The following CARM1 variants were observed in gnomAD, a reference collection of about 807,000 sequenced individuals.
CARM1 encodes coactivator associated arginine methyltransferase 1.
A neutral mutation model predicts 72.7 loss-of-function variants in CARM1; 14 were observed. The ratio of observed to expected loss-of-function variants is 0.19; its 90% CI spans 0.13 to 0.30. The LOEUF (loss-of-function observed/expected upper bound fraction) is 0.30, where lower values mean the gene tolerates loss of function less well. Among genes scored for constraint, CARM1 ranks in the 10% least tolerant of loss-of-function variants. The pLI, the probability that CARM1 is intolerant of heterozygous loss-of-function variation, is 1.00. For synonymous variants in CARM1, 333 were observed against 345.5 expected, an observed-to-expected ratio of 0.96 and a Z score of 0.40; for missense variants, 432 against 833.7, an observed-to-expected ratio of 0.52 and a Z score of 5.93.
At chr19:10,881,507 C>T (rs935855397) in intron 1 of CARM1, among the ~76,000 whole-genome samples, 1 of 152,042 alleles carries the variant, frequency 6.6e-6, no homozygotes, top group African/African-American at 2.4e-5. Flanking sequence ...AAGGAGAGGG[C>T]AGCAAGGTCA....
intron 4 of CARM1, among the ~76,000 whole-genome samples, 198 bp from the exon 5 acceptor site, chr19:10,911,986 C>T (rs1446087609): frequency 6.6e-6 from 1 of 152,212 alleles, no homozygotes; most frequent in Non-Finnish European, 1.5e-5. Flanking sequence ...GCGGGAGCTT[C>T]CCCAGGGCTT....
intron 1 of CARM1, among the ~76,000 whole-genome samples, chr19:10,891,131 C>T (rs1011473438): frequency 6.7e-5 from 10 of 148,174 alleles, no homozygotes; most frequent in Admixed American, 2.7e-4. Context: ...CTCCTTCTCT[C>T]GACCCTTTGC....
chr19:10,882,630 C>T (rs2073910643), intron 1 of CARM1, among the ~76,000 whole-genome samples: 1 of 151,420 alleles, frequency 6.6e-6, no homozygotes, highest in African/African-American at 2.4e-5. Context: ...CAACCTCCGC[C>T]TCCCAGGTTC....
rs928795513 is a variant in CARM1, at chr19:10,912,744, G to A, written c.669+450G>A. Among the ~76,000 whole-genome samples the A allele has an allele frequency of 2.0e-5, 3 of 152,056 alleles. No homozygotes were observed. The highest frequency in any genetic ancestry group is 2.0e-4 in the Admixed American group (3 of 15,260). Reference sequence around the variant, plus strand: ...CCTGCTCTGCCTCTCCCATGGATCTGGGGTCGCCGGGGTCGTGGAGGGGCC... The same window carrying A: ...CCTGCTCTGCCTCTCCCATGGATCTAGGGTCGCCGGGGTCGTGGAGGGGCC... On this transcript the variant is annotated intron_variant, in intron 5 of 15. Coordinates refer to ENST00000327064, the MANE Select transcript of CARM1 (RefSeq NM_199141.2). The surrounding 1 kb of genome is among the most constrained non-coding windows in gnomAD (Gnocchi z 4.5).
chr19:10,878,946 A>G (rs2073882210), intron 1 of CARM1, among the ~76,000 whole-genome samples: 1 of 152,052 alleles, frequency 6.6e-6, no homozygotes, highest in Non-Finnish European at 1.5e-5. Flanking sequence ...ATCTGGGACT[A>G]CAGGCGTGTG....
chr19:10,912,338 G>A lies in CARM1; in HGVS notation c.669+44G>A. The A allele has an allele frequency of 1.4e-6, 2 of 1,435,752 alleles. No homozygotes were observed. Among genetic ancestry groups the A allele is most frequent in the Non-Finnish European group, 2.0e-6 (2 of 1,020,380 alleles). 88.9% of individuals were successfully genotyped at this position (1,435,752 alleles called of 1,614,324 possible). A position where few individuals can be genotyped will look rare whatever the true frequency, so the allele number is the denominator to read the frequency against. On this transcript the variant is annotated intron_variant, in intron 5 of 15. Coordinates refer to ENST00000327064, the MANE Select transcript of CARM1 (RefSeq NM_199141.2). The surrounding 1 kb of genome is among the most constrained non-coding windows in gnomAD (Gnocchi z 4.5). ...CCCACCCAGCCTCGTCCTCGCCCATGAGTGCCATGCCGGCCCCAGCCTAGA... is the reference window on the plus strand; with the variant it reads ...CCCACCCAGCCTCGTCCTCGCCCATAAGTGCCATGCCGGCCCCAGCCTAGA...
Position 10,921,142 on chromosome 19 carries a change from G to A in CARM1, c.1615+15G>A. ...GATTCCTTTAGGTGAGTGTCCCCCA[G>A]GGCCAGGGGCAGCAGGGAGCCATGC... is the stretch of plus-strand genomic sequence containing the variant. On this transcript the variant is annotated intron_variant, in intron 14 of 15. Coordinates refer to ENST00000327064, the MANE Select transcript of CARM1 (RefSeq NM_199141.2). 1 of 1,611,562 alleles carries A rather than the reference G, an allele frequency of 6.2e-7. No individual in the cohort carries two copies. The highest frequency in any genetic ancestry group is 1.3e-5 in the African/African-American group (1 of 75,016).
intron 1 of CARM1, among the ~76,000 whole-genome samples, chr19:10,890,271 T>G (rs1349104027): frequency 0.022 from 2,065 of 91,910 alleles, 34 homozygotes; most frequent in Non-Finnish European, 0.039. Context: ...TTTTGTTTGT[T>G]TTTTTTTTTT....
chr19:10,920,991 C>A lies in CARM1; in HGVS notation c.1537+45C>A. 6.2e-7 allele frequency: 1 copy of A among 1,612,436 alleles called. No homozygotes were observed. The highest frequency in any genetic ancestry group is 8.5e-7 in the Non-Finnish European group (1 of 1,178,522). On this transcript the variant is annotated intron_variant, in intron 13 of 15. Transcript: ENST00000327064. The surrounding 1 kb of genome is among the most constrained non-coding windows in gnomAD (Gnocchi z 5.3). ...ATGCCCAGCCAACCCGGGAGGCCGC[C>A]CTCGCCGCAGGCCTGGCCCCTCTGC... is the stretch of plus-strand genomic sequence containing the variant.
intron 2 of CARM1, among the ~76,000 whole-genome samples, chr19:10,907,020 C>T (rs1453566857): frequency 6.6e-6 from 1 of 151,830 alleles, no homozygotes; most frequent in African/African-American, 2.4e-5. Flanking sequence ...GATTCTCCCA[C>T]CTCAGCCTCC....
chr19:10,889,520 G>C (rs2073966040), intron 1 of CARM1, among the ~76,000 whole-genome samples: 2 of 150,274 alleles, frequency 1.3e-5, no homozygotes, highest in African/African-American at 4.9e-5. Flanking sequence ...GTAGAGACGG[G>C]GTTTCTCCAA....
chr19:10,908,441 C>T (rs901606316), intron 3 of CARM1: 9 of 333,160 alleles, frequency 2.7e-5, no homozygotes, highest in African/African-American at 1.5e-4. Flanking sequence ...ATGCCCTGAG[C>T]GCTCCCTGCA....
chr19:10,919,447 CCCT>C (rs2074222974), intron 8 of CARM1, 145 bp from the exon 9 acceptor site: 10 of 628,966 alleles, frequency 1.6e-5, no homozygotes, highest in Admixed American at 8.5e-5. Context: ...TGTGCCGGTC[CCCT>C]CCTCACGGCG....
chr19:10,916,371 A>G lies in CARM1; in HGVS notation c.848-36A>G. The G allele has an allele frequency of 7.0e-7, 1 of 1,431,088 alleles. No homozygotes were observed. Among genetic ancestry groups the G allele is most frequent in the Non-Finnish European group, 9.8e-7 (1 of 1,015,320 alleles). 88.6% of individuals were successfully genotyped at this position (1,431,088 alleles called of 1,614,324 possible). On this transcript the variant is annotated intron_variant, in intron 6 of 15. Coordinates refer to ENST00000327064, the MANE Select transcript of CARM1 (RefSeq NM_199141.2). This position sits in a 1 kb window ranked among gnomAD's most constrained non-coding sequence, Gnocchi z 4.4. ...TCTGCCAGGCAGTGTGGGATGTGTC[A>G]CCTGACGCCAGCACCCCTCCCTGCC... is the stretch of plus-strand genomic sequence containing the variant.
At chr19:10,900,774 C>G (rs1425511315) in intron 1 of CARM1, among the ~76,000 whole-genome samples, 2 of 152,110 alleles carry the variant, frequency 1.3e-5, no homozygotes, top group Non-Finnish European at 2.9e-5. Flanking sequence ...AGCTCCGCCT[C>G]CCAGGTTCCT....
chr19:10,875,740 T>G (rs935780977), intron 1 of CARM1, among the ~76,000 whole-genome samples: 1 of 151,700 alleles, frequency 6.6e-6, no homozygotes, highest in African/African-American at 2.4e-5. Flanking sequence ...GTTCTTTTCT[T>G]ATAAGGACAC....
intron 1 of CARM1, among the ~76,000 whole-genome samples, chr19:10,887,849 C>T (rs1001201684): frequency 6.6e-5 from 10 of 152,108 alleles, no homozygotes; most frequent in South Asian, 2.1e-4. Context: ...AGGCTGCCTC[C>T]GCTCCAGCCT....
At chr19:10,903,460 TC>T (rs1453006724) in intron 1 of CARM1, among the ~76,000 whole-genome samples, 1 of 152,246 alleles carries the variant, frequency 6.6e-6, no homozygotes, top group African/African-American at 2.4e-5. Context: ...GCATATGTTT[TC>T]TAAGAAAATA....
chr19:10,871,818 C>A lies in CARM1; in HGVS notation c.116C>A (p.Thr39Asn), dbSNP rs2073820609. 2 of 1,285,034 alleles carry A rather than the reference C, an allele frequency of 1.6e-6. No homozygotes were observed. Among genetic ancestry groups the A allele is most frequent in the South Asian group, 2.0e-5 (1 of 50,166 alleles). 79.6% of individuals were successfully genotyped at this position (1,285,034 alleles called of 1,614,324 possible). A position where few individuals can be genotyped will look rare whatever the true frequency, so the allele number is the denominator to read the frequency against. Reference sequence around the variant, plus strand: ...GTGTTCCCCGGCGCCCGCCTCCTCACCATCGGCGACGCGAACGGCGAGATC... The same window carrying A: ...GTGTTCCCCGGCGCCCGCCTCCTCAACATCGGCGACGCGAACGGCGAGATC... ...VSVFPGARLLTIGDANGEIQR... is the reference protein window; with the variant it reads ...VSVFPGARLLNIGDANGEIQR... The change falls in exon 1 of 16, where the codon ACC becomes AAC. Residue 39 changes from threonine to asparagine, a missense_variant. Coordinates refer to ENST00000327064, the MANE Select transcript of CARM1 (RefSeq NM_199141.2). The surrounding 1 kb of genome is among the most constrained non-coding windows in gnomAD (Gnocchi z 5.6).
Sources: allele counts gnomAD v4.1 joint callset (sites outside exome capture counted in the v4.1 genomes callset), GRCh38; gene constraint gnomAD v4.1.1; non-coding constraint Gnocchi (gnomAD v3.1); transcripts MANE v1.5; gene names NCBI Gene and HGNC (gene_info 2026-07-23, HGNC 2026-07-21).